Variants in GALNT17 observed in about 807,000 individuals in gnomAD.
GALNT17 encodes polypeptide N-acetylgalactosaminyltransferase 17.
GALNT17 carries 29 observed loss-of-function variants against 63.7 expected under a neutral mutation model. That is an observed-to-expected ratio of 0.46 (90% confidence interval 0.34 to 0.62). The LOEUF (loss-of-function observed/expected upper bound fraction) is 0.62. Ranked by LOEUF, GALNT17 falls within the 20% of genes least tolerant of loss-of-function variation. The pLI is 0.01. For missense variants in GALNT17, 603 were observed against 799.6 expected (o/e 0.75, Z 2.97); for synonymous variants, 305 against 318.3 (o/e 0.96, Z 0.45).
intron 5 of GALNT17, among the ~76,000 whole-genome samples, chr7:71,450,178 C>T (rs1015015126): frequency 4.0e-5 from 6 of 149,016 alleles, no homozygotes; most frequent in Admixed American, 4.0e-4. Flanking sequence ...CTCTGTCGCC[C>T]AGGATGGAGT....
At chr7:71,707,108 G>A (rs1791731775) in intron 9 of GALNT17, among the ~76,000 whole-genome samples, 1 of 152,174 alleles carries the variant, frequency 6.6e-6, no homozygotes, top group African/African-American at 2.4e-5. Context: ...AGAGTTGTTG[G>A]GAAAATTGCA....
intron 9 of GALNT17, among the ~76,000 whole-genome samples, chr7:71,686,576 A>C (rs887726765): frequency 1.3e-5 from 2 of 150,202 alleles, no homozygotes; most frequent in African/African-American, 4.9e-5. Context: ...TTTTGTAGAG[A>C]TAGGGATCTC....
chr7:71,298,711 G>GGTGT (rs10602909), intron 1 of GALNT17, among the ~76,000 whole-genome samples: 4,425 of 141,532 alleles, frequency 0.031, 222 homozygotes, highest in African/African-American at 0.1. Context: ...ATTCCAGTGG[G>GGTGT]GTGTGTGTGT....
At chr7:71,335,053 C>T (rs1791873690) in intron 1 of GALNT17, among the ~76,000 whole-genome samples, 1 of 152,164 alleles carries the variant, frequency 6.6e-6, no homozygotes, top group African/African-American at 2.4e-5. Flanking sequence ...CTCATTTCTC[C>T]CAGTTTAGAT....
chr7:71,475,961 A>C (rs913501871), intron 5 of GALNT17, among the ~76,000 whole-genome samples: 1 of 151,294 alleles, frequency 6.6e-6, no homozygotes, highest in African/African-American at 2.4e-5. Flanking sequence ...TTACTATATA[A>C]ATTTTAGTGA....
intron 2 of GALNT17, among the ~76,000 whole-genome samples, chr7:71,378,044 A>AT (rs1466175064): frequency 6.6e-6 from 1 of 152,214 alleles, no homozygotes; most frequent in Non-Finnish European, 1.5e-5. Flanking sequence ...CTGGGGCTCC[A>AT]TAGACCACAA....
rs757085869 is a variant in GALNT17 at position 71,236,267 on chromosome 7, G to A, written c.239-99283G>A. On this transcript the variant is annotated intron_variant, in intron 1 of 10. Transcript: ENST00000333538. ...TCACTTACACTGAGGTGTAAGGGGC[G>A]GCTGAGGGCTTCATTGCTACCCTAT... Among the ~76,000 whole-genome samples the A allele has an allele frequency of 1.8e-4, 27 of 152,118 alleles. No homozygotes were observed. The South Asian group carries it at 4.2e-3, about 23-fold the overall frequency.
At chr7:71,700,121 A>G (rs1185360025) in intron 9 of GALNT17, among the ~76,000 whole-genome samples, 1 of 151,692 alleles carries the variant, frequency 6.6e-6, no homozygotes, top group Non-Finnish European at 1.5e-5. Context: ...GCGAAAGCCC[A>G]TGTCTACTAA....
intron 5 of GALNT17, among the ~76,000 whole-genome samples, chr7:71,449,108 C>CTTTTTTTTTTTTTTTTTTTTTTTT (rs59368494): frequency 4.1e-5 from 3 of 72,750 alleles, no homozygotes; most frequent in Admixed American, 2.5e-4. Flanking sequence ...TGCCTATTTT[C>CTTTTTTTTTTTTTTTTTTTTTTTT]TTTTTTTTTT....
At chr7:71,425,073 G>C (rs993367856) in intron 5 of GALNT17, among the ~76,000 whole-genome samples, 8 of 152,024 alleles carry the variant, frequency 5.3e-5, no homozygotes, top group Admixed American at 1.3e-4. Context: ...CCACACCAGA[G>C]TTTCCAGTAT....
intron 5 of GALNT17, among the ~76,000 whole-genome samples, chr7:71,478,668 G>A (rs1210613428): frequency 3.3e-5 from 5 of 152,062 alleles, no homozygotes; most frequent in African/African-American, 1.2e-4. Flanking sequence ...TGCCTCCCTT[G>A]TAGCTAGACC....
intron 5 of GALNT17, among the ~76,000 whole-genome samples, chr7:71,490,688 C>T (rs1017838393): frequency 6.6e-6 from 1 of 152,024 alleles, no homozygotes; most frequent in Non-Finnish European, 1.5e-5. Flanking sequence ...TCCCTTGAGG[C>T]CAGGAGTTTG....
At chr7:71,528,106 G>A (rs557325454) in intron 5 of GALNT17, among the ~76,000 whole-genome samples, 2 of 152,242 alleles carry the variant, frequency 1.3e-5, no homozygotes, top group African/African-American at 2.4e-5. Flanking sequence ...CAGAATTATC[G>A]AATGCCTTTG....
At chr7:71,416,120 G>A (rs1563076472) in intron 4 of GALNT17, 57 bp downstream of exon 4, 1 of 1,539,172 alleles carries the variant, frequency 6.5e-7, no homozygotes, top group South Asian at 1.3e-5. Flanking sequence ...GTTGAGAGGG[G>A]CTGGAATCTG....
intron 2 of GALNT17, among the ~76,000 whole-genome samples, chr7:71,354,209 A>G (rs1792241091): frequency 6.6e-6 from 1 of 152,196 alleles, no homozygotes; most frequent in South Asian, 2.1e-4. Context: ...CCCGTACTAT[A>G]TCAGATGGTG....
At chr7:71,141,406 C>G (rs766352252) in intron 1 of GALNT17, among the ~76,000 whole-genome samples, 1 of 151,666 alleles carries the variant, frequency 6.6e-6, no homozygotes, top group Non-Finnish European at 1.5e-5. Context: ...AAAAGACAGA[C>G]TGGGTTTGAT....
intron 5 of GALNT17, among the ~76,000 whole-genome samples, chr7:71,426,660 C>A (rs1187121132): frequency 6.6e-6 from 1 of 152,108 alleles, no homozygotes; most frequent in Non-Finnish European, 1.5e-5. Flanking sequence ...GTGGCTCACA[C>A]CTTTAATCCC....
intron 5 of GALNT17, among the ~76,000 whole-genome samples, chr7:71,474,920 G>A (rs774972130): frequency 2.0e-5 from 3 of 152,162 alleles, no homozygotes; most frequent in Admixed American, 2.0e-4. Context: ...ATTTGACCCA[G>A]ACAGGAGATT....
intron 5 of GALNT17, among the ~76,000 whole-genome samples, chr7:71,424,530 A>G (rs761953124): frequency 1.3e-5 from 2 of 152,254 alleles, no homozygotes; most frequent in Non-Finnish European, 2.9e-5. Flanking sequence ...CAGATGATTA[A>G]TATGCACTTT....
Sources: allele counts gnomAD v4.1 joint callset (sites outside exome capture counted in the v4.1 genomes callset), GRCh38; gene constraint gnomAD v4.1.1; transcripts MANE v1.5; gene names NCBI Gene and HGNC (gene_info 2026-07-23, HGNC 2026-07-21).